Variants in KCNT2 observed in about 807,000 individuals in gnomAD.
KCNT2 encodes potassium channel subfamily T member 2.
Under a neutral mutation model 153.8 loss-of-function variants are expected in KCNT2, and 67 were observed. The ratio of observed to expected loss-of-function variants is 0.44; its 90% CI spans 0.36 to 0.53. The LOEUF is 0.53. Among genes scored for constraint, KCNT2 ranks in the 20% least tolerant of loss-of-function variants. KCNT2 has a pLI of 0.00. For synonymous variants in KCNT2, 500 were observed against 458.8 expected (o/e 1.09, Z -1.15); for missense variants, 975 against 1,354.8 (o/e 0.72, Z 4.40).
intron 4 of KCNT2, among the ~76,000 whole-genome samples, chr1:196,480,729 G>T (rs1176701936): frequency 6.6e-6 from 1 of 151,576 alleles, no homozygotes; most frequent in East Asian, 2.0e-4. Flanking sequence ...GGTGGCGGGC[G>T]CCTGTAGTCC....
At chr1:196,332,807 C>A (rs1308144000) in intron 17 of KCNT2, among the ~76,000 whole-genome samples, 1 of 140,764 alleles carries the variant, frequency 7.1e-6, no homozygotes, top group Non-Finnish European at 1.5e-5. Context: ...TTTTTTAAGA[C>A]AGAGTCTCAC....
intron 14 of KCNT2, among the ~76,000 whole-genome samples, chr1:196,363,692 T>C (rs1301963147): frequency 6.6e-6 from 1 of 152,120 alleles, no homozygotes; most frequent in Non-Finnish European, 1.5e-5. Flanking sequence ...TGCCATGGGA[T>C]GACACAGCAA....
intron 8 of KCNT2, among the ~76,000 whole-genome samples, chr1:196,458,944 C>T (rs953201000): frequency 6.6e-6 from 1 of 151,850 alleles, no homozygotes; most frequent in African/African-American, 2.4e-5. Context: ...CAAACATTAG[C>T]ATTCAAATCA....
At chr1:196,445,250 G>A (rs1675586879) in intron 8 of KCNT2, among the ~76,000 whole-genome samples, 1 of 151,226 alleles carries the variant, frequency 6.6e-6, no homozygotes, top group South Asian at 2.1e-4. Context: ...AAATGTCCTT[G>A]CACATGTGAA....
At chr1:196,489,797 A>G (rs1159097248) in intron 3 of KCNT2, 41 bp downstream of exon 3, 3 of 1,060,264 alleles carry the variant, frequency 2.8e-6, no homozygotes, top group African/African-American at 1.6e-5. Flanking sequence ...ACTCAAAATA[A>G]TCAAAATAAT....
intron 1 of KCNT2, among the ~76,000 whole-genome samples, chr1:196,498,027 A>G (rs548000398): frequency 3.9e-5 from 6 of 152,218 alleles, no homozygotes; most frequent in Non-Finnish European, 7.4e-5. Context: ...ACTGTCATCA[A>G]TTTTTCCTAA....
chr1:196,339,541 AG>A (rs1665401055), intron 16 of KCNT2, among the ~76,000 whole-genome samples: 1 of 151,728 alleles, frequency 6.6e-6, no homozygotes. Context: ...AGAGAGAGAG[AG>A]AGAGAGAGAG....
chr1:196,507,622 G>A (rs930522625), intron 1 of KCNT2, among the ~76,000 whole-genome samples: 12 of 151,958 alleles, frequency 7.9e-5, no homozygotes, highest in Non-Finnish European at 1.6e-4. Context: ...CAGTTTTAAT[G>A]CATTACTGTT....
chr1:196,274,043 C>A (rs1658324357), intron 25 of KCNT2, among the ~76,000 whole-genome samples: 1 of 151,460 alleles, frequency 6.6e-6, no homozygotes, highest in Non-Finnish European at 1.5e-5. Context: ...AATATTTGTA[C>A]TATTTTTTAA....
chr1:196,419,299 T>A (rs1423469154), intron 12 of KCNT2, among the ~76,000 whole-genome samples: 10 of 145,860 alleles, frequency 6.9e-5, no homozygotes, highest in African/African-American at 2.5e-4. Flanking sequence ...TAGCATTAGG[T>A]ATATCTCCTA....
At position 196,340,579 on chromosome 1, in the gene KCNT2, A is replaced by C; in HGVS notation, c.1554-9T>G. On this transcript the variant is annotated splice_polypyrimidine_tract_variant and intron_variant, in intron 15 of 27. Transcript: ENST00000294725. ...TCAAGCAGACGCCAAACCTTAATTT[A>C]AAAAAAAAGAGAGTTTGTAAGAAAA... 7.3e-7 allele frequency: 1 copy of C among 1,367,118 alleles called. No homozygotes were observed. The highest frequency in any genetic ancestry group is 9.9e-7 in the Non-Finnish European group (1 of 1,008,666). 84.7% of individuals were successfully genotyped at this position (1,367,118 alleles called of 1,614,324 possible).
chr1:196,524,130 A>C (rs1653861806), intron 1 of KCNT2, among the ~76,000 whole-genome samples: 1 of 152,112 alleles, frequency 6.6e-6, no homozygotes, highest in Non-Finnish European at 1.5e-5. Flanking sequence ...TAATCCTACT[A>C]AATTTCTTTG....
chr1:196,486,273 A>C (rs1679411896), intron 3 of KCNT2, among the ~76,000 whole-genome samples: 1 of 151,966 alleles, frequency 6.6e-6, no homozygotes. Context: ...TGCATGAAAC[A>C]TTTTTAAATA....
chr1:196,460,121 A>G (rs1439198607), intron 8 of KCNT2, among the ~76,000 whole-genome samples: 3 of 151,878 alleles, frequency 2.0e-5, no homozygotes, highest in Non-Finnish European at 4.4e-5. Flanking sequence ...TTTGGGGGTT[A>G]TATGGAGACA....
intron 8 of KCNT2, among the ~76,000 whole-genome samples, chr1:196,435,359 C>T (rs761040312): frequency 7.3e-5 from 11 of 149,840 alleles, no homozygotes; most frequent in Non-Finnish European, 1.0e-4. Flanking sequence ...ATAACTCCAG[C>T]CTTTGTTTCA....
At chr1:196,513,689 G>C (rs562232425) in intron 1 of KCNT2, among the ~76,000 whole-genome samples, 2 of 152,136 alleles carry the variant, frequency 1.3e-5, no homozygotes, top group East Asian at 1.9e-4. Flanking sequence ...CCTAGTCTTA[G>C]TGAAGTGACA....
At chr1:196,438,481 G>T (rs370526943) in intron 8 of KCNT2, among the ~76,000 whole-genome samples, 1 of 151,696 alleles carries the variant, frequency 6.6e-6, no homozygotes, top group East Asian at 1.9e-4. Context: ...ATCATAGAAG[G>T]CTCCAAAAAA....
chr1:196,342,720 A>G (rs950923820), intron 14 of KCNT2, among the ~76,000 whole-genome samples: 1 of 151,986 alleles, frequency 6.6e-6, no homozygotes, highest in African/African-American at 2.4e-5. Flanking sequence ...ATCTCAATTT[A>G]TCTTTGATTT....
intron 26 of KCNT2, among the ~76,000 whole-genome samples, chr1:196,246,183 G>T (rs1655427744): frequency 6.6e-6 from 1 of 152,108 alleles, no homozygotes; most frequent in East Asian, 1.9e-4. Flanking sequence ...GGAGACAGTG[G>T]CATTATGTAT....
Sources: allele counts gnomAD v4.1 joint callset (sites outside exome capture counted in the v4.1 genomes callset), GRCh38; gene constraint gnomAD v4.1.1; transcripts MANE v1.5; gene names NCBI Gene and HGNC (gene_info 2026-07-23, HGNC 2026-07-21).